The following NUP214 variants were observed in gnomAD, a reference collection of about 807,000 sequenced individuals.
NUP214 encodes nucleoporin 214, also known as nuclear pore complex protein Nup214.
Under a neutral mutation model 196.2 loss-of-function variants are expected in NUP214, and 79 were observed. The ratio of observed to expected loss-of-function variants is 0.40; its 90% CI spans 0.34 to 0.49. The LOEUF is 0.49. Ranked by LOEUF, NUP214 falls within the 20% of genes least tolerant of loss-of-function variation. The pLI, the probability that NUP214 is intolerant of heterozygous loss-of-function variation, is 0.58. For synonymous variants in NUP214, 1,020 were observed against 990.5 expected, an observed-to-expected ratio of 1.03 and a Z score of -0.56; for missense variants, 2,468 against 2,539.0, an observed-to-expected ratio of 0.97 and a Z score of 0.60.
intron 10 of NUP214, 67 bp downstream of exon 10, chr9:131,139,474 C>G (rs1327691350): frequency 1.9e-6 from 3 of 1,571,822 alleles, no homozygotes; most frequent in Non-Finnish European, 2.6e-6. Context: ...ATTGAAACAC[C>G]AGTTACATGT....
intron 24 of NUP214, among the ~76,000 whole-genome samples, chr9:131,178,703 A>ATTT (rs11454350): frequency 2.8e-5 from 4 of 141,234 alleles, no homozygotes; most frequent in Admixed American, 7.0e-5. Context: ...GTGCAGGTTG[A>ATTT]TTTTTTTTTT....
At chr9:131,128,300 G>A (rs536744638) in intron 2 of NUP214, 32 bp from the exon 3 acceptor site, 20 of 1,596,530 alleles carry the variant, frequency 1.3e-5, no homozygotes, top group South Asian at 7.8e-5. Flanking sequence ...AGAACATACC[G>A]TTTTCTGCTT....
intron 14 of NUP214, 165 bp from the exon 15 acceptor site, chr9:131,150,159 G>C: frequency 1.6e-6 from 1 of 626,080 alleles, no homozygotes; most frequent in South Asian, 1.9e-5. Context: ...GCACTGTCTA[G>C]AACATGCCTT....
intron 30 of NUP214, among the ~76,000 whole-genome samples, chr9:131,211,555 A>G (rs998670899): frequency 2.0e-5 from 3 of 152,188 alleles, no homozygotes; most frequent in Non-Finnish European, 4.4e-5. Context: ...AGGGACCCCA[A>G]ATGGAGGGAC....
Position 131,187,333 on chromosome 9 carries a change from T to C in NUP214, c.3464T>C (p.Leu1155Ser). The change falls in exon 25 of 36, where the codon TTG (leucine) becomes TCG (serine). Residue 1155 changes from leucine to serine, a missense_variant. This residue lies in a region of NUP214 where 1,801 missense variants were observed against 1,779.4 expected (regional missense o/e 1.01). Coordinates refer to ENST00000359428, the MANE Select transcript of NUP214 (RefSeq NM_005085.4). The stretch of plus-strand genomic sequence containing the variant: ...ACAGCCAAAACACCTCACCCAGTGT[T>C]GACCCCAGTGGCTGCTAACCAAGCC... ...YSTAKTPHPV[L>S]TPVAANQAKQ... 6.2e-7 allele frequency: 1 copy of C among 1,613,864 alleles called. No individual in the cohort carries two copies. Among genetic ancestry groups the C allele is most frequent in the Non-Finnish European group, 8.5e-7 (1 of 1,179,896 alleles).
intron 18 of NUP214, among the ~76,000 whole-genome samples, chr9:131,161,022 A>G (rs965849035): frequency 6.6e-6 from 1 of 152,230 alleles, no homozygotes; most frequent in African/African-American, 2.4e-5. Context: ...GCTCTGCTCA[A>G]TGGTTGTATT....
chr9:131,137,358 A>AAAAATCT (rs1270787831), intron 9 of NUP214, among the ~76,000 whole-genome samples: 12 of 152,154 alleles, frequency 7.9e-5, no homozygotes, highest in Admixed American at 7.9e-4. Flanking sequence ...ATCCCTAAAG[A>AAAAATCT]AAAATCTGCT....
chr9:131,171,721 A>C (rs1249768475), intron 21 of NUP214, among the ~76,000 whole-genome samples: 2 of 151,930 alleles, frequency 1.3e-5, no homozygotes, highest in African/African-American at 4.8e-5. Context: ...ACCCCACAAC[A>C]GTCCCCAGAG....
At chr9:131,226,776 A>G (rs371898299) in intron 32 of NUP214, among the ~76,000 whole-genome samples, 91 of 152,346 alleles carry the variant, frequency 6.0e-4, no homozygotes, top group African/African-American at 2.1e-3. Context: ...ACCACTGTTA[A>G]TGGCAAATAG....
At chr9:131,130,137 G>GTTTTTTTTTTTGTTTTTTTT (rs1554728065) in intron 4 of NUP214, among the ~76,000 whole-genome samples, 1 of 76,894 alleles carries the variant, frequency 1.3e-5, no homozygotes, top group Non-Finnish European at 2.3e-5. Flanking sequence ...TTCTGGTTTT[G>GTTTTTTTTTTTGTTTTTTTT]TTTTTTTTTT....
At chr9:131,201,762 C>G in intron 30 of NUP214, 45 bp downstream of exon 30, 1 of 1,513,270 alleles carries the variant, frequency 6.6e-7, no homozygotes, top group South Asian at 1.1e-5. Flanking sequence ...GTATCAAACC[C>G]ATTCAGTTTT....
Position 131,193,629 on chromosome 9 carries a change from CTTTTTTTTTTTTTTTTTTTT to C in NUP214, c.3659+1351_3659+1370del, listed in dbSNP as rs71389402. 3.6e-3 allele frequency among the ~76,000 whole-genome samples: 103 copies of C among 28,234 alleles called. 2 individuals are homozygous for C. Among genetic ancestry groups the C allele is most frequent in the African/African-American group, 8.5e-3 (71 of 8,346 alleles). The allele number at this position is 28,234 out of a possible 152,430, so 18.5% of individuals were successfully genotyped here. A position where few individuals can be genotyped will look rare whatever the true frequency, so the allele number is the denominator to read the frequency against. On this transcript the variant is annotated intron_variant, in intron 27 of 35. Coordinates refer to ENST00000359428, the MANE Select transcript of NUP214 (RefSeq NM_005085.4). The stretch of plus-strand genomic sequence containing the variant: ...GTGAAATGATATTCTTCTTCCTTTT[CTTTTTTTTTTTTTTTTTTTT>C]TTTTTTTTTTTTTGGATTTTCAGGC...
chr9:131,190,692 T>A, intron 26 of NUP214: 1 of 439,844 alleles, frequency 2.3e-6, no homozygotes, highest in Non-Finnish European at 4.0e-6. Flanking sequence ...TGTAGAGATA[T>A]ATAATGTAGA....
At chr9:131,225,092 A>G (rs1240921969) in intron 32 of NUP214, among the ~76,000 whole-genome samples, 1 of 151,602 alleles carries the variant, frequency 6.6e-6, no homozygotes, top group African/African-American at 2.4e-5. Context: ...GTGAGACCCC[A>G]TCTCTAAAAG....
In NUP214 at chr9:131,162,974, C is replaced by T; in HGVS notation, c.2541-17C>T. 1 of 1,613,168 alleles carries T rather than the reference C, an allele frequency of 6.2e-7. No individual in the cohort carries two copies. Among genetic ancestry groups the T allele is most frequent in the Non-Finnish European group, 8.5e-7 (1 of 1,179,478 alleles). On this transcript the variant is annotated splice_polypyrimidine_tract_variant and intron_variant, in intron 18 of 35. Transcript: ENST00000359428. The stretch of plus-strand genomic sequence containing the variant: ...TGAACCATTCATGTTTAATTCTTTT[C>T]TCATTGTTGTCAACAGGCACCTGCT...
intron 23 of NUP214, among the ~76,000 whole-genome samples, chr9:131,176,917 G>A (rs546796849): frequency 6.6e-6 from 1 of 152,206 alleles, no homozygotes; most frequent in South Asian, 2.1e-4. Flanking sequence ...GGCATTTAGT[G>A]GGTAGAGGCC....
rs1554737949 is a variant in NUP214 at position 131,196,025 on chromosome 9, T to TCCCTCCCCCCCCCCC, written c.3721+734_3721+735insTCCCCCCCCCCCCCC. 5.5e-4 allele frequency among the ~76,000 whole-genome samples: 2 copies of TCCCTCCCCCCCCCCC among 3,668 alleles called. 1 individual carries two copies. Among genetic ancestry groups the TCCCTCCCCCCCCCCC allele is most frequent in the Non-Finnish European group, 1.3e-3 (2 of 1,588 alleles). 2.4% of individuals were successfully genotyped at this position (3,668 alleles called of 152,430 possible). On this transcript the variant is annotated intron_variant, in intron 28 of 35. Coordinates refer to ENST00000359428, the MANE Select transcript of NUP214 (RefSeq NM_005085.4). ...GGCAACAAGAGTGAAACTCTGTGTG[T>TCCCTCCCCCCCCCCC]CCCCCCCCCCCCCCGCGCCAAAAAA... is the stretch of plus-strand genomic sequence containing the variant.
chr9:131,146,002 A>T lies in NUP214; in HGVS notation c.1770-127A>T. The T allele has an allele frequency of 2.1e-6, 2 of 941,382 alleles. No homozygotes were observed. The highest frequency in any genetic ancestry group is 1.6e-6 in the Non-Finnish European group (1 of 634,118). The allele number at this position is 941,382 out of a possible 1,614,324, so 58.3% of individuals were successfully genotyped here. On this transcript the variant is annotated intron_variant, in intron 12 of 35. Coordinates refer to ENST00000359428, the MANE Select transcript of NUP214 (RefSeq NM_005085.4). The surrounding 1 kb of genome is among the most constrained non-coding windows in gnomAD (Gnocchi z 4.6). Reference sequence around the variant, plus strand: ...CTAAACATTTTTGTTTCCTGAAGGCAAAAAGTATGTTATCTTTGTAAGTTA... The same window carrying T: ...CTAAACATTTTTGTTTCCTGAAGGCTAAAAGTATGTTATCTTTGTAAGTTA...
Position 131,140,630 on chromosome 9 carries a change from A to G in NUP214, c.1214A>G (p.Asn405Ser). 6.2e-7 allele frequency: 1 copy of G among 1,614,042 alleles called. No homozygotes were observed. Among genetic ancestry groups the G allele is most frequent in the South Asian group, 1.1e-5 (1 of 91,070 alleles). The change falls in exon 11 of 36, where the codon AAT (asparagine) becomes AGT (serine). Residue 405 changes from asparagine to serine, a missense_variant. Asn to Ser is a conservative substitution (Grantham distance 46). This residue lies in a region of NUP214 where 1,801 missense variants were observed against 1,779.4 expected (regional missense o/e 1.01). Transcript: ENST00000359428. ...GTGCTTTGTCCATTTTATATGATTA[A>G]TCAAAATCCTGGGGTTAAGTCTCTC... ...DGVLCPFYMINQNPGVKSLIK... is the reference protein window; with the variant it reads ...DGVLCPFYMISQNPGVKSLIK...
Sources: allele counts gnomAD v4.1 joint callset (sites outside exome capture counted in the v4.1 genomes callset), GRCh38; gene constraint gnomAD v4.1.1; regional missense constraint gnomAD v4.1.1; non-coding constraint Gnocchi (gnomAD v3.1); transcripts MANE v1.5; gene names NCBI Gene and HGNC (gene_info 2026-07-23, HGNC 2026-07-21).